TJP2: variants seen among roughly 807,000 people sequenced by gnomAD.
TJP2 encodes the protein Friedreich ataxia region gene X104 (tight junction protein ZO-2).
A neutral mutation model predicts 133.1 loss-of-function variants in TJP2; 91 were observed. The ratio of observed to expected loss-of-function variants is 0.68; its 90% confidence interval spans 0.58 to 0.81. TJP2 has a LOEUF of 0.81. Ranked by LOEUF, TJP2 falls within the 40% of genes least tolerant of loss-of-function variation. TJP2 has a pLI of 0.00. For synonymous variants in TJP2, 592 were observed against 583.4 expected (o/e 1.01, Z -0.21); for missense variants, 1,541 against 1,565.6 (o/e 0.98, Z 0.26).
At chr9:69,228,829 T>C (rs1390582788) in intron 9 of TJP2, among the ~76,000 whole-genome samples, 3 of 152,170 alleles carry the variant, frequency 2.0e-5, no homozygotes, top group Admixed American at 2.0e-4. Flanking sequence ...CCTGACCTCT[T>C]CCCCCAACCC....
chr9:69,224,497 G>A (rs563571823), intron 5 of TJP2, among the ~76,000 whole-genome samples: 2 of 152,230 alleles, frequency 1.3e-5, no homozygotes, highest in Admixed American at 1.3e-4. Flanking sequence ...GGCCTACATG[G>A]TGAAACCCTG....
chr9:69,235,932 T>C, intron 12 of TJP2, 96 bp from the exon 13 acceptor site: 1 of 1,163,348 alleles, frequency 8.6e-7, no homozygotes. Flanking sequence ...GGAAGGAAGG[T>C]AAAGGGGAGA....
rs886246127 is a variant in TJP2, at chr9:69,174,316, G to GAGCAGA, written c.-47_-42dup. 1.3e-5 allele frequency: 20 copies of GAGCAGA among 1,550,482 alleles called. No homozygotes were observed. Among genetic ancestry groups the GAGCAGA allele is most frequent in the African/African-American group, 8.2e-5 (6 of 73,032 alleles). ...TGGTGCCCAGGAGGAGTAGGAGCAG[G>GAGCAGA]AGCAGAAGCAGAAGCGGGGTCCGGA... On this transcript the variant is annotated 5_prime_UTR_variant, in exon 1 of 23. Transcript: ENST00000377245.
upstream of TJP2, among the ~76,000 whole-genome samples, chr9:69,171,882 G>A (rs180800385): frequency 4.6e-4 from 60 of 129,816 alleles, no homozygotes; most frequent in Non-Finnish European, 8.4e-4. Context: ...TGTAACCTCC[G>A]CCTCTTGGGT....
intron 2 of TJP2, among the ~76,000 whole-genome samples, chr9:69,158,086 G>T (rs908532243): frequency 6.6e-6 from 1 of 151,610 alleles, no homozygotes; most frequent in Admixed American, 6.6e-5. Context: ...AGGCTGAGGC[G>T]GTGGATCACC....
chr9:69,180,992 G>C (rs1825454751), intron 1 of TJP2, among the ~76,000 whole-genome samples: 2 of 152,100 alleles, frequency 1.3e-5, no homozygotes, highest in African/African-American at 4.8e-5. Context: ...CTTGATTTGG[G>C]GCAGGCTTGT....
intron 1 of TJP2, among the ~76,000 whole-genome samples, chr9:69,183,910 T>C (rs527363738): frequency 6.6e-6 from 1 of 152,098 alleles, no homozygotes; most frequent in Non-Finnish European, 1.5e-5. Context: ...AATTTTTGTA[T>C]TTTTAGTAGA....
intron 6 of TJP2, among the ~76,000 whole-genome samples, chr9:69,225,821 T>A (rs919907564): frequency 3.9e-5 from 6 of 152,132 alleles, no homozygotes; most frequent in Admixed American, 2.6e-4. Flanking sequence ...ATTAGCAGAG[T>A]AACTTACACC....
intron 1 of TJP2, among the ~76,000 whole-genome samples, chr9:69,138,872 G>A (rs1475789175): frequency 6.6e-6 from 1 of 151,984 alleles, no homozygotes; most frequent in Non-Finnish European, 1.5e-5. Flanking sequence ...AGCTGAGATC[G>A]CACCACTGCA....
chr9:69,166,796 G>T (rs1824381334), intron 2 of TJP2, among the ~76,000 whole-genome samples: 1 of 152,168 alleles, frequency 6.6e-6, no homozygotes, highest in Non-Finnish European at 1.5e-5. Context: ...AATTAGCCAG[G>T]CCTGGTGGCA....
intron 1 of TJP2, among the ~76,000 whole-genome samples, chr9:69,196,357 G>T (rs1481086806): frequency 6.6e-6 from 1 of 152,160 alleles, no homozygotes; most frequent in East Asian, 1.9e-4. Flanking sequence ...TATTAATAAT[G>T]ATATTGATAA....
At chr9:69,214,089 C>T (rs1487290227) in intron 2 of TJP2, among the ~76,000 whole-genome samples, 1 of 152,026 alleles carries the variant, frequency 6.6e-6, no homozygotes, top group Non-Finnish European at 1.5e-5. Context: ...GGCTTAGATA[C>T]ATATATATAT....
intron 1 of TJP2, among the ~76,000 whole-genome samples, chr9:69,146,163 A>G (rs1823201893): frequency 6.6e-6 from 1 of 152,214 alleles, no homozygotes; most frequent in Non-Finnish European, 1.5e-5. Context: ...CCTTATTACT[A>G]TAATGTTTTT....
chr9:69,205,857 T>G (rs1827359337), intron 1 of TJP2, among the ~76,000 whole-genome samples: 1 of 152,206 alleles, frequency 6.6e-6, no homozygotes, highest in African/African-American at 2.4e-5. Flanking sequence ...AGGGGGACTT[T>G]GGGCAGTGAA....
chr9:69,218,005 T>C (rs1462474779), intron 3 of TJP2, among the ~76,000 whole-genome samples: 1 of 152,136 alleles, frequency 6.6e-6, no homozygotes, highest in Non-Finnish European at 1.5e-5. Context: ...TGTGATGCTG[T>C]GGTTTGGGGA....
At chr9:69,177,704 G>A (rs892916216) in intron 1 of TJP2, among the ~76,000 whole-genome samples, 11 of 151,898 alleles carry the variant, frequency 7.2e-5, no homozygotes, top group Admixed American at 5.2e-4. Flanking sequence ...AAGTGTGGTG[G>A]TGCGGTCTTG....
At chr9:69,174,150 G>T (rs771226319), upstream of TJP2, 12 of 1,265,162 alleles carry the variant, frequency 9.5e-6, no homozygotes, top group African/African-American at 1.7e-4. Context: ...CAGTTTCCCG[G>T]GCCGGGCGGC....
At chr9:69,250,363 C>T (rs1373123074) in intron 20 of TJP2, among the ~76,000 whole-genome samples, 1 of 152,188 alleles carries the variant, frequency 6.6e-6, no homozygotes, top group African/African-American at 2.4e-5. Flanking sequence ...TTCGGCCTCC[C>T]ACAGTGCTGG....
At chr9:69,174,244 C>G, upstream of TJP2, 3 of 1,510,590 alleles carry the variant, frequency 2.0e-6, no homozygotes, top group Non-Finnish European at 2.7e-6. Flanking sequence ...TGGGTCCCCG[C>G]GGGTCGGCAC....
Sources: allele counts gnomAD v4.1 joint callset (sites outside exome capture counted in the v4.1 genomes callset), GRCh38; gene constraint gnomAD v4.1.1; transcripts MANE v1.5; gene names NCBI Gene and HGNC (gene_info 2026-07-23, HGNC 2026-07-21).